The following AGAP1 variants were observed in gnomAD, a reference collection of about 807,000 sequenced individuals.
AGAP1 encodes ArfGAP with GTPase domain, ankyrin repeat and PH domain 1.
AGAP1 carries 29 observed loss-of-function variants against 105.3 expected under a neutral mutation model. The ratio of observed to expected loss-of-function variants is 0.28; its 90% CI spans 0.21 to 0.38. The LOEUF (loss-of-function observed/expected upper bound fraction) is 0.38, where lower values mean the gene tolerates loss of function less well. AGAP1 is among the 10% of genes least tolerant of loss of function. AGAP1 has a pLI of 1.00. For synonymous variants in AGAP1, 509 were observed against 485.9 expected, an observed-to-expected ratio of 1.05 and a Z score of -0.63; for missense variants, 998 against 1,165.1, an observed-to-expected ratio of 0.86 and a Z score of 2.09.
chr2:236,086,312 C>CT, intron 16 of AGAP1, among the ~76,000 whole-genome samples: 2 of 152,314 alleles, frequency 1.3e-5, no homozygotes, highest in East Asian at 3.9e-4. Context: ...ACATAACTCT[C>CT]TGTCTTCTTC....
chr2:235,705,719 G>A lies in AGAP1; in HGVS notation c.164-3460G>A, dbSNP rs1332873990. Among the ~76,000 whole-genome samples, 2 of 152,134 alleles carry A rather than the reference G, an allele frequency of 1.3e-5. No individual in the cohort carries two copies. Among genetic ancestry groups the A allele is most frequent in the African/African-American group, 4.8e-5 (2 of 41,420 alleles). ...TTTTTAATGGGAGATGAAGAGTTTT[G>A]GCCAATTGAGTCAAGCATTTATTTT... On this transcript the variant is annotated intron_variant, in intron 1 of 17. Coordinates refer to ENST00000304032, the MANE Select transcript of AGAP1 (RefSeq NM_001037131.3). The surrounding 1 kb of genome is among the most constrained non-coding windows in gnomAD (Gnocchi z 4.9).
intron 1 of AGAP1, among the ~76,000 whole-genome samples, chr2:235,593,136 A>G (rs1213633663): frequency 6.6e-6 from 1 of 152,118 alleles, no homozygotes; most frequent in Non-Finnish European, 1.5e-5. Flanking sequence ...GATATCAGCC[A>G]CCCTCAACCT....
chr2:235,543,104 C>CT (rs1361645663), intron 1 of AGAP1, among the ~76,000 whole-genome samples: 11 of 137,460 alleles, frequency 8.0e-5, no homozygotes, highest in South Asian at 2.6e-4. Context: ...CCCTCCCCCC[C>CT]CCCCGCCCCC....
Position 236,009,038 on chromosome 2 carries a change from G to T in AGAP1, c.1646-27523G>T, listed in dbSNP as rs1003249607. 1.3e-5 allele frequency among the ~76,000 whole-genome samples: 2 copies of T among 152,090 alleles called. No individual in the cohort carries two copies. The highest frequency in any genetic ancestry group is 1.3e-4 in the Admixed American group (2 of 15,268). On this transcript the variant is annotated intron_variant, in intron 13 of 17. Coordinates refer to ENST00000304032, the MANE Select transcript of AGAP1 (RefSeq NM_001037131.3). This position sits in a 1 kb window ranked among gnomAD's most constrained non-coding sequence, Gnocchi z 4.2. ...CGGGTTTTGTTTAATCCCTTCAAAGGCCCTTTGAACTGATGTTTCAACATG... is the reference window on the plus strand; with the variant it reads ...CGGGTTTTGTTTAATCCCTTCAAAGTCCCTTTGAACTGATGTTTCAACATG...
At chr2:235,630,400 A>G (rs1205691645) in intron 1 of AGAP1, among the ~76,000 whole-genome samples, 1 of 152,104 alleles carries the variant, frequency 6.6e-6, no homozygotes, top group Non-Finnish European at 1.5e-5. Flanking sequence ...TAATAGAGAC[A>G]GGGTTTCACC....
intron 6 of AGAP1, among the ~76,000 whole-genome samples, chr2:235,786,570 C>T (rs1055532005): frequency 2.0e-5 from 3 of 152,206 alleles, no homozygotes; most frequent in Non-Finnish European, 4.4e-5. Flanking sequence ...GGAAATGGTA[C>T]ACTCAGCTCT....
Position 235,701,336 on chromosome 2 carries a change from C to G in AGAP1, c.164-7843C>G, listed in dbSNP as rs762131181. On this transcript the variant is annotated intron_variant, in intron 1 of 17. Transcript: ENST00000304032. The surrounding 1 kb of genome is among the most constrained non-coding windows in gnomAD (Gnocchi z 4.1). ...GTTGTTGTGACAGATTCTAAGTCGC[C>G]TCAGGGCTCAGGGGAAAGAGCCTTG... Among the ~76,000 whole-genome samples, 1 of 151,944 alleles carries G rather than the reference C, an allele frequency of 6.6e-6. No homozygotes were observed. Among genetic ancestry groups the G allele is most frequent in the African/African-American group, 2.4e-5 (1 of 41,370 alleles).
chr2:235,864,262 C>T lies in AGAP1; in HGVS notation c.1051-19083C>T, dbSNP rs2049055149. Among the ~76,000 whole-genome samples, 1 of 152,206 alleles carries T rather than the reference C, an allele frequency of 6.6e-6. No homozygotes were observed. The highest frequency in any genetic ancestry group is 2.1e-4 in the South Asian group (1 of 4,834). ...ATGTGCCACTGTGTAGTCCCGTGAA[C>T]TCTGCATTTTCGCAGAATGCCCCCA... is the stretch of plus-strand genomic sequence containing the variant. On this transcript the variant is annotated intron_variant, in intron 9 of 17. Transcript: ENST00000304032. The surrounding 1 kb of genome is among the most constrained non-coding windows in gnomAD (Gnocchi z 5.0).
At position 235,494,887 on chromosome 2, in the gene AGAP1, G is replaced by C. The variant is rs780912599; in HGVS notation, c.163+38G>C. The stretch of plus-strand genomic sequence containing the variant: ...CCGCCTTGGGGCCTCGGGAAGGCAC[G>C]GACGCCCGCGGCGCGGCGGGGGTGT... On this transcript the variant is annotated intron_variant, in intron 1 of 17. Transcript: ENST00000304032. 30 of 1,523,226 alleles carry C rather than the reference G, an allele frequency of 2.0e-5. No individual in the cohort carries two copies. In the South Asian group the frequency reaches 2.1e-4, roughly 11 times the overall value. The allele number at this position is 1,523,226 out of a possible 1,614,324, so 94.4% of individuals were successfully genotyped here.
rs1575812423 is a variant in AGAP1 at position 235,931,811 on chromosome 2, G to A, written c.1483+888G>A. Among the ~76,000 whole-genome samples the A allele has an allele frequency of 2.6e-5, 4 of 152,040 alleles. No homozygotes were observed. The highest frequency in any genetic ancestry group is 9.7e-5 in the African/African-American group (4 of 41,450). ...ACGCCACCAAGCAGAAGCCTTAAAG[G>A]AAGACATCTCCAAACCAAGCCGGGA... is the stretch of plus-strand genomic sequence containing the variant. On this transcript the variant is annotated intron_variant, in intron 12 of 17. Coordinates refer to ENST00000304032, the MANE Select transcript of AGAP1 (RefSeq NM_001037131.3). The surrounding 1 kb of genome is among the most constrained non-coding windows in gnomAD (Gnocchi z 5.6).
intron 9 of AGAP1, among the ~76,000 whole-genome samples, chr2:235,823,913 C>A (rs577121949): frequency 6.6e-6 from 1 of 152,204 alleles, no homozygotes; most frequent in East Asian, 1.9e-4. Flanking sequence ...GGCATTCATT[C>A]CTCTGCACAT....
chr2:235,950,273 CT>C (rs2053677808), intron 12 of AGAP1, among the ~76,000 whole-genome samples: 1 of 152,184 alleles, frequency 6.6e-6, no homozygotes, highest in Non-Finnish European at 1.5e-5. Context: ...CCGGGTTTCC[CT>C]AGCCCAGCAC....
chr2:236,099,349 G>A (rs1254299196), intron 16 of AGAP1, among the ~76,000 whole-genome samples: 1 of 151,950 alleles, frequency 6.6e-6, no homozygotes, highest in African/African-American at 2.4e-5. Flanking sequence ...CAGCTGCTCG[G>A]GAGGCTGAGG....
rs151029147 is a variant in AGAP1, at chr2:235,689,001, C to T, written c.164-20178C>T. On this transcript the variant is annotated intron_variant, in intron 1 of 17. Coordinates refer to ENST00000304032, the MANE Select transcript of AGAP1 (RefSeq NM_001037131.3). The surrounding 1 kb of genome is among the most constrained non-coding windows in gnomAD (Gnocchi z 4.2). ...AAGCACTTTGCTTGCATTTGTGCAG[C>T]GATTCCAGCAACAACCCTGTGCGGT... Among the ~76,000 whole-genome samples, 3 of 152,258 alleles carry T rather than the reference C, an allele frequency of 2.0e-5. No homozygotes were observed. Among genetic ancestry groups the T allele is most frequent in the East Asian group, 1.9e-4 (1 of 5,178 alleles).
At chr2:235,652,636 A>G (rs1365086115) in intron 1 of AGAP1, among the ~76,000 whole-genome samples, 2 of 152,190 alleles carry the variant, frequency 1.3e-5, no homozygotes, top group African/African-American at 4.8e-5. Context: ...TCACACCCGT[A>G]ATCCCAGAAC....
At chr2:235,495,123 C>T (rs1276728466) in intron 1 of AGAP1, among the ~76,000 whole-genome samples, 1 of 152,176 alleles carries the variant, frequency 6.6e-6, no homozygotes, top group African/African-American at 2.4e-5. Flanking sequence ...TCGGTGCCTC[C>T]GCGTCCTGGG....
intron 1 of AGAP1, among the ~76,000 whole-genome samples, chr2:235,648,555 A>G (rs944487885): frequency 1.3e-5 from 2 of 152,096 alleles, no homozygotes; most frequent in Non-Finnish European, 2.9e-5. Flanking sequence ...CCACAGCTGG[A>G]AACCTCATCT....
rs867730320 is a variant in AGAP1 at position 235,976,501 on chromosome 2, C to G, written c.1645+7878C>G. On this transcript the variant is annotated intron_variant, in intron 13 of 17. Coordinates refer to ENST00000304032, the MANE Select transcript of AGAP1 (RefSeq NM_001037131.3). This position sits in a 1 kb window ranked among gnomAD's most constrained non-coding sequence, Gnocchi z 4.5. ...GAAGATTCCCATCGTGATGAACCGA[C>G]GCACAGAAGGATGTTTGTAGTGTGG... Among the ~76,000 whole-genome samples the G allele has an allele frequency of 3.9e-5, 6 of 152,268 alleles. No individual in the cohort carries two copies. Among genetic ancestry groups the G allele is most frequent in the Middle Eastern group, 6.8e-3 (2 of 294 alleles).
intron 12 of AGAP1, among the ~76,000 whole-genome samples, chr2:235,949,095 C>G (rs559346199): frequency 6.6e-6 from 1 of 152,196 alleles, no homozygotes; most frequent in African/African-American, 2.4e-5. Context: ...CCCCTTCTCC[C>G]TGGGTGAGGC....
Sources: allele counts gnomAD v4.1 joint callset (sites outside exome capture counted in the v4.1 genomes callset), GRCh38; gene constraint gnomAD v4.1.1; non-coding constraint Gnocchi (gnomAD v3.1); transcripts MANE v1.5; gene names NCBI Gene and HGNC (gene_info 2026-07-23, HGNC 2026-07-21).